LRP1B: variants seen among roughly 807,000 people sequenced by gnomAD.
LRP1B encodes the protein LDL receptor related protein 1B, also known as low-density lipoprotein receptor-related protein 1B.
In LRP1B, 217 loss-of-function variants were observed where a neutral mutation model predicts 556.6. That is an observed-to-expected ratio of 0.39 (90% CI 0.35 to 0.44). LRP1B has a LOEUF of 0.44. LRP1B is among the 20% of genes least tolerant of loss of function. The pLI is 1.00. For missense variants in LRP1B, 5,053 were observed against 5,620.8 expected (o/e 0.90, Z 3.23); for synonymous variants, 2,047 against 1,865.8 (o/e 1.10, Z -2.50).
chr2:141,197,398 A>G (rs1681800490), intron 6 of LRP1B, among the ~76,000 whole-genome samples: 1 of 152,044 alleles, frequency 6.6e-6, no homozygotes. Flanking sequence ...ATGAAATCTT[A>G]TTTATTATTT....
At chr2:141,161,364 A>G (rs950307975) in intron 7 of LRP1B, among the ~76,000 whole-genome samples, 2 of 152,148 alleles carry the variant, frequency 1.3e-5, no homozygotes, top group African/African-American at 4.8e-5. Context: ...AAATTTGTCA[A>G]ATATCCATCT....
chr2:140,529,561 T>A lies in LRP1B; in HGVS notation c.7763-3211A>T, dbSNP rs79503210. Among the ~76,000 whole-genome samples the A allele has an allele frequency of 1.9e-3, 282 of 152,100 alleles. 4 individuals carry two copies. The highest frequency in any genetic ancestry group is 3.8e-3 in the Admixed American group (58 of 15,226). On this transcript the variant is annotated intron_variant, in intron 47 of 90. Coordinates refer to ENST00000389484, the MANE Select transcript of LRP1B (RefSeq NM_018557.3). ...GCACAAATCTAGAAGGAATGCCGATTTCTTCTCCAGCTATGTTTATCCTTT... is the reference window on the plus strand; with the variant it reads ...GCACAAATCTAGAAGGAATGCCGATATCTTCTCCAGCTATGTTTATCCTTT...
At chr2:142,088,499 G>C (rs1244639430) in intron 1 of LRP1B, among the ~76,000 whole-genome samples, 2 of 152,094 alleles carry the variant, frequency 1.3e-5, no homozygotes, top group Non-Finnish European at 2.9e-5. Flanking sequence ...ACTCATTCAT[G>C]CTTAGATTTA....
intron 41 of LRP1B, among the ~76,000 whole-genome samples, chr2:140,623,482 A>C (rs561520570): frequency 6.6e-6 from 1 of 152,212 alleles, no homozygotes; most frequent in African/African-American, 2.4e-5. Context: ...ATTATATCAA[A>C]GTAACAATAT....
At chr2:140,517,065 G>T in intron 49 of LRP1B, 54 bp from the exon 50 acceptor site, 2 of 1,319,452 alleles carry the variant, frequency 1.5e-6, no homozygotes, top group Non-Finnish European at 2.2e-6. Context: ...CTGAAATATA[G>T]GTAGATAAAT....
chr2:141,431,845 T>A (rs1241691490), intron 3 of LRP1B, among the ~76,000 whole-genome samples: 2 of 152,178 alleles, frequency 1.3e-5, no homozygotes, highest in Non-Finnish European at 1.5e-5. Context: ...AACTCATCTG[T>A]AAGTTCAAGT....
Position 140,946,522 on chromosome 2 carries a change from A to G in LRP1B, c.3136+3713T>C, listed in dbSNP as rs181866093. ...AGGCTGAGGCATGAGAGTTGCGTGA[A>G]CCCAGGAGGTGGAGGTTGCAGTGAG... On this transcript the variant is annotated intron_variant, in intron 20 of 90. Transcript: ENST00000389484. Among the ~76,000 whole-genome samples the G allele has an allele frequency of 2.0e-5, 3 of 152,164 alleles. No homozygotes were observed. In the East Asian group the frequency reaches 5.8e-4, roughly 30 times the overall value.
At chr2:140,818,936 CAAAAAAAAAAA>C (rs543167243) in intron 31 of LRP1B, among the ~76,000 whole-genome samples, 2 of 102,932 alleles carry the variant, frequency 1.9e-5, no homozygotes, top group African/African-American at 8.6e-5. Context: ...GACTCTGTCT[CAAAAAAAAAAA>C]AAAAAAAAAA....
At chr2:141,907,963 G>C (rs1387309686) in intron 1 of LRP1B, among the ~76,000 whole-genome samples, 2 of 151,822 alleles carry the variant, frequency 1.3e-5, no homozygotes, top group African/African-American at 4.8e-5. Context: ...CACCTGTTAG[G>C]TACCTAATTG....
chr2:140,406,191 T>A lies in LRP1B; in HGVS notation c.10415-20182A>T, dbSNP rs560618994. ...AAACTAGTCATAGACGGAACTTATG[T>A]CAAAATAACCACAGCCATATATGTC... is the stretch of plus-strand genomic sequence containing the variant. On this transcript the variant is annotated intron_variant, in intron 66 of 90. Coordinates refer to ENST00000389484, the MANE Select transcript of LRP1B (RefSeq NM_018557.3). 1.5e-4 allele frequency among the ~76,000 whole-genome samples: 23 copies of A among 152,150 alleles called. No individual in the cohort carries two copies. The South Asian group carries it at 2.1e-3, about 14-fold the overall frequency.
intron 6 of LRP1B, among the ~76,000 whole-genome samples, chr2:141,207,656 T>C (rs753686889): frequency 3.6e-5 from 1 of 27,496 alleles, no homozygotes; most frequent in Non-Finnish European, 1.1e-4. Context: ...GTGGGGAGCA[T>C]GTTTTTGTTT....
intron 66 of LRP1B, among the ~76,000 whole-genome samples, chr2:140,435,454 T>G (rs1312927532): frequency 6.6e-6 from 1 of 152,144 alleles, no homozygotes; most frequent in Admixed American, 6.5e-5. Context: ...ACTGCATCAA[T>G]TTAGATTTCT....
At chr2:141,680,407 G>A (rs1691060673) in intron 2 of LRP1B, among the ~76,000 whole-genome samples, 1 of 152,076 alleles carries the variant, frequency 6.6e-6, no homozygotes, top group African/African-American at 2.4e-5. Flanking sequence ...AAATAAATGG[G>A]AAAAATAAGC....
At chr2:140,494,561 C>T (rs1208854336) in intron 56 of LRP1B, among the ~76,000 whole-genome samples, 2 of 146,254 alleles carry the variant, frequency 1.4e-5, no homozygotes, top group Admixed American at 7.0e-5. Context: ...GAGCTAAGAT[C>T]GCGCCACTGC....
At chr2:140,788,593 C>T (rs111607693) in intron 32 of LRP1B, among the ~76,000 whole-genome samples, 4,494 of 152,122 alleles carry the variant, frequency 0.03, 104 homozygotes, top group South Asian at 0.044. Context: ...GTATAACAAC[C>T]GACATTAAGA....
rs188154880 is a variant in LRP1B at position 142,093,848 on chromosome 2, G to A, written c.82+36800C>T. ...AAAGTGGCTTTCAAGAAGATATGGTGCAGGCAATACACTTCTCCTTTTATA... is the reference window on the plus strand; with the variant it reads ...AAAGTGGCTTTCAAGAAGATATGGTACAGGCAATACACTTCTCCTTTTATA... On this transcript the variant is annotated intron_variant, in intron 1 of 90. Transcript: ENST00000389484. 2.9e-3 allele frequency among the ~76,000 whole-genome samples: 440 copies of A among 152,190 alleles called. 2 individuals carry two copies. Among genetic ancestry groups the A allele is most frequent in the African/African-American group, 0.01 (421 of 41,538 alleles).
intron 7 of LRP1B, among the ~76,000 whole-genome samples, chr2:141,110,659 G>A (rs2104964897): frequency 6.6e-6 from 1 of 151,958 alleles, no homozygotes; most frequent in Non-Finnish European, 1.5e-5. Flanking sequence ...TAACACAGGT[G>A]CAAGTGGTCT....
chr2:141,742,337 C>T (rs927785068), intron 2 of LRP1B, among the ~76,000 whole-genome samples: 6 of 151,162 alleles, frequency 4.0e-5, no homozygotes, highest in African/African-American at 9.7e-5. Flanking sequence ...CTGACACGGC[C>T]GCCTCCCAGG....
chr2:140,483,090 T>C (rs1280155943), intron 59 of LRP1B, among the ~76,000 whole-genome samples: 1 of 152,134 alleles, frequency 6.6e-6, no homozygotes, highest in Non-Finnish European at 1.5e-5. Context: ...AACAAAAAGG[T>C]GCCATTAAAT....
Sources: gnomAD v4.1 joint callset for allele counts (sites outside exome capture counted in the v4.1 genomes callset) on GRCh38, gnomAD v4.1.1 for gene constraint, MANE v1.5 for transcripts, NCBI Gene and HGNC (gene_info 2026-07-23, HGNC 2026-07-21) for gene names.